Variants in FAM227B observed in about 807,000 individuals in gnomAD.
FAM227B encodes protein FAM227B.
In FAM227B, 88 loss-of-function variants were observed where a neutral mutation model predicts 73.8. That is an observed-to-expected ratio of 1.19 (90% confidence interval 1.00 to 1.42). FAM227B has a LOEUF of 1.42. FAM227B is among the 40% of genes most tolerant of loss of function. FAM227B has a pLI of 0.00. For missense variants in FAM227B, 632 were observed against 590.9 expected (o/e 1.07, Z -0.72); for synonymous variants, 210 against 190.5 (o/e 1.10, Z -0.84).
chr15:49,446,795 A>T (rs1365781984), intron 11 of FAM227B, among the ~76,000 whole-genome samples: 2 of 151,586 alleles, frequency 1.3e-5, no homozygotes, highest in Admixed American at 1.3e-4. Context: ...CAAAACAAGG[A>T]TAAATGGGAG....
At chr15:49,414,860 A>G (rs2049106974) in intron 11 of FAM227B, among the ~76,000 whole-genome samples, 2 of 152,296 alleles carry the variant, frequency 1.3e-5, no homozygotes, top group Non-Finnish European at 2.9e-5. Context: ...TATAAGTTGT[A>G]GCTGAGGATA....
intron 11 of FAM227B, among the ~76,000 whole-genome samples, chr15:49,455,597 G>C (rs943056832): frequency 6.6e-6 from 1 of 152,078 alleles, no homozygotes; most frequent in Non-Finnish European, 1.5e-5. Context: ...TTTGGATTTA[G>C]ATAAAAGTCT....
intron 8 of FAM227B, 22 bp from the exon 9 acceptor site, chr15:49,568,368 A>G (rs762767560): frequency 6.4e-7 from 1 of 1,560,780 alleles, no homozygotes; most frequent in Non-Finnish European, 8.8e-7. Context: ...GTGTGAAATT[A>G]AAGTCAATAT....
Position 49,350,671 on chromosome 15 carries a change from C to T in FAM227B, c.1272-15175G>A, listed in dbSNP as rs1165452818. 2.6e-5 allele frequency among the ~76,000 whole-genome samples: 4 copies of T among 152,094 alleles called. No individual in the cohort carries two copies. The East Asian group carries it at 5.8e-4, about 22-fold the overall frequency. On this transcript the variant is annotated intron_variant, in intron 13 of 15. Transcript: ENST00000299338. ...GAGGGTACTGTGATTTGCCTTTTCC[C>T]GTAATCTAATTTTTGACCTTGGTGG...
At chr15:49,349,905 GA>G (rs1381379569) in intron 13 of FAM227B, among the ~76,000 whole-genome samples, 5 of 151,870 alleles carry the variant, frequency 3.3e-5, no homozygotes, top group South Asian at 2.1e-4. Flanking sequence ...AATGAAAGGG[GA>G]AAAAAAATCC....
At chr15:49,375,530 C>A (rs1055859922) in intron 11 of FAM227B, among the ~76,000 whole-genome samples, 1 of 151,860 alleles carries the variant, frequency 6.6e-6, no homozygotes, top group Non-Finnish European at 1.5e-5. Flanking sequence ...ACCAAAGTGA[C>A]AAGTATCTGA....
chr15:49,338,459 T>G (rs970501905), intron 13 of FAM227B, among the ~76,000 whole-genome samples: 1 of 152,234 alleles, frequency 6.6e-6, no homozygotes, highest in Non-Finnish European at 1.5e-5. Flanking sequence ...TGGCTCCCAA[T>G]CTCTTCTGGT....
intron 13 of FAM227B, chr15:49,366,404 C>T: frequency 1.2e-6 from 1 of 815,190 alleles, no homozygotes; most frequent in Non-Finnish European, 2.2e-6. Context: ...AAAATGGCAG[C>T]TGCCCCATTG....
chr15:49,434,694 T>G (rs1205487890), intron 11 of FAM227B: 3 of 151,760 alleles, frequency 2.0e-5, no homozygotes, highest in Middle Eastern at 3.4e-3. Context: ...GAACATTTAC[T>G]CTTTATTAAT....
intron 1 of FAM227B, among the ~76,000 whole-genome samples, chr15:49,617,836 GTAAATTTACT>G (rs1388268311): frequency 6.6e-6 from 1 of 151,650 alleles, no homozygotes; most frequent in Non-Finnish European, 1.5e-5. Context: ...GCCCAGCATA[GTAAATTTACT>G]TGTGTAACAA....
intron 11 of FAM227B, among the ~76,000 whole-genome samples, chr15:49,402,145 C>T (rs1196864822): frequency 2.6e-5 from 4 of 152,050 alleles, no homozygotes; most frequent in South Asian, 2.1e-4. Context: ...CATCTTCAGA[C>T]TCTATAGTTC....
At chr15:49,538,215 C>G (rs1410420604) in intron 10 of FAM227B, among the ~76,000 whole-genome samples, 1 of 152,160 alleles carries the variant, frequency 6.6e-6, no homozygotes, top group Non-Finnish European at 1.5e-5. Context: ...CTTGGGTTCA[C>G]TTACATATGG....
chr15:49,508,447 T>A (rs2152114865), intron 10 of FAM227B, 99 bp from the exon 11 acceptor site: 1 of 1,134,330 alleles, frequency 8.8e-7, no homozygotes, highest in Non-Finnish European at 1.2e-6. Flanking sequence ...CATTTCATCC[T>A]CACAACAAAA....
intron 3 of FAM227B, among the ~76,000 whole-genome samples, chr15:49,598,151 C>G (rs1370907225): frequency 2.6e-5 from 4 of 151,920 alleles, no homozygotes; most frequent in African/African-American, 9.7e-5. Context: ...AATACCAAAA[C>G]TAGGAAAAGA....
chr15:49,444,799 C>A (rs1018493866), intron 11 of FAM227B, among the ~76,000 whole-genome samples: 6 of 151,546 alleles, frequency 4.0e-5, no homozygotes, highest in African/African-American at 1.5e-4. Flanking sequence ...TCAATTTAAG[C>A]CATCTTGAAT....
chr15:49,392,498 G>A lies in FAM227B; in HGVS notation c.1013-21099C>T, dbSNP rs78871585. ...TTGCATGGGTTCAAACATGGAAAAT[G>A]AATTCAGGCAGTGGAGTGTATATAA... On this transcript the variant is annotated intron_variant, in intron 11 of 15. Transcript: ENST00000299338. Among the ~76,000 whole-genome samples, 44 of 152,256 alleles carry A rather than the reference G, an allele frequency of 2.9e-4. No individual in the cohort carries two copies. In the East Asian group the frequency reaches 8.3e-3, roughly 29 times the overall value.
At chr15:49,484,856 C>T (rs35686890) in intron 11 of FAM227B, 17,668 of 163,284 alleles carry the variant, frequency 0.11, 1,331 homozygotes, top group East Asian at 0.36. Flanking sequence ...TTTAAATATT[C>T]CTATCTGCTT....
intron 4 of FAM227B, among the ~76,000 whole-genome samples, chr15:49,589,137 A>G (rs1037508602): frequency 1.3e-5 from 2 of 151,630 alleles, no homozygotes; most frequent in African/African-American, 4.8e-5. Context: ...AATTATCATT[A>G]CTTGCTGTAT....
At chr15:49,452,672 T>C (rs1381831791) in intron 11 of FAM227B, among the ~76,000 whole-genome samples, 1 of 152,150 alleles carries the variant, frequency 6.6e-6, no homozygotes, top group African/African-American at 2.4e-5. Flanking sequence ...TTGAGAGAAA[T>C]CCTATTATTT....
Sources: allele counts gnomAD v4.1 joint callset (sites outside exome capture counted in the v4.1 genomes callset), GRCh38; gene constraint gnomAD v4.1.1; transcripts MANE v1.5; gene names NCBI Gene and HGNC (gene_info 2026-07-23, HGNC 2026-07-21).